Variants in TECRL observed in about 807,000 individuals in gnomAD.
TECRL encodes trans-2,3-enoyl-CoA reductase like, also known as trans-2,3-enoyl-CoA reductase-like.
A neutral mutation model predicts 52.8 loss-of-function variants in TECRL; 63 were observed. The observed-to-expected ratio is 1.19, with a 90% CI of 0.97 to 1.47. The LOEUF (loss-of-function observed/expected upper bound fraction) is 1.47. Ranked by LOEUF, TECRL falls within the 40% of genes most tolerant of loss-of-function variation. The pLI, the probability that TECRL is intolerant of heterozygous loss-of-function variation, is 0.00. For synonymous variants in TECRL, 164 were observed against 141.9 expected, an observed-to-expected ratio of 1.16 and a Z score of -1.10; for missense variants, 482 against 429.6, an observed-to-expected ratio of 1.12 and a Z score of -1.08.
At chr4:64,295,621 GA>G (rs1328909408) in intron 8 of TECRL, among the ~76,000 whole-genome samples, 1 of 151,616 alleles carries the variant, frequency 6.6e-6, no homozygotes, top group East Asian at 1.9e-4. Context: ...CACTAACTCT[GA>G]AGTAAATGAT....
rs1368676185 is a variant in TECRL, at chr4:64,326,274, TTTTC to T, written c.331+2234_331+2237del. Among the ~76,000 whole-genome samples, 9 of 152,220 alleles carry T rather than the reference TTTTC, an allele frequency of 5.9e-5. No homozygotes were observed. The East Asian group carries it at 1.7e-3, about 29-fold the overall frequency. ...ATCCAATCATTTTAAACATTAGAAA[TTTTC>T]CCAGTCCTTCCAGGACATTATAAAG... On this transcript the variant is annotated intron_variant, in intron 3 of 11. Coordinates refer to ENST00000381210, the MANE Select transcript of TECRL (RefSeq NM_001010874.5).
chr4:64,360,935 C>T (rs1049928403), intron 2 of TECRL, among the ~76,000 whole-genome samples: 1 of 152,156 alleles, frequency 6.6e-6, no homozygotes, highest in African/African-American at 2.4e-5. Flanking sequence ...GGAACAGGCA[C>T]AGTGGAGCAC....
intron 1 of TECRL, chr4:64,397,892 A>G (rs1417240951): frequency 7.9e-6 from 1 of 126,700 alleles, no homozygotes; most frequent in Non-Finnish European, 1.7e-5. Context: ...AAGTTAGGAA[A>G]GAAATATGTG....
At chr4:64,357,643 T>C (rs952421202) in intron 2 of TECRL, among the ~76,000 whole-genome samples, 1 of 151,548 alleles carries the variant, frequency 6.6e-6, no homozygotes, top group East Asian at 1.9e-4. Context: ...ATTTTATTCA[T>C]TCTTTATGCC....
At chr4:64,297,440 G>A (rs568156183) in intron 8 of TECRL, among the ~76,000 whole-genome samples, 1 of 150,812 alleles carries the variant, frequency 6.6e-6, no homozygotes, top group Non-Finnish European at 1.5e-5. Context: ...CGTTTTATCA[G>A]CAAAAAAATA....
chr4:64,398,916 G>C (rs1724152158), intron 1 of TECRL, among the ~76,000 whole-genome samples: 1 of 152,156 alleles, frequency 6.6e-6, no homozygotes, highest in Non-Finnish European at 1.5e-5. Flanking sequence ...CTGGGAACTG[G>C]ATAAAAGGTC....
At chr4:64,353,393 T>C (rs1720536576) in intron 2 of TECRL, among the ~76,000 whole-genome samples, 1 of 152,130 alleles carries the variant, frequency 6.6e-6, no homozygotes, top group South Asian at 2.1e-4. Context: ...AGGAGACTAT[T>C]ATAGGTATAC....
intron 2 of TECRL, among the ~76,000 whole-genome samples, chr4:64,366,703 A>AATC (rs1291385310): frequency 2.0e-5 from 3 of 152,166 alleles, no homozygotes; most frequent in Non-Finnish European, 4.4e-5. Flanking sequence ...ATGAATTAAC[A>AATC]ATCTCACACC....
chr4:64,307,091 C>A (rs7674860), intron 6 of TECRL, among the ~76,000 whole-genome samples: 1,706 of 152,254 alleles, frequency 0.011, 27 homozygotes, highest in African/African-American at 0.039. Flanking sequence ...AGTTTAACAA[C>A]CCCTGGGCAG....
chr4:64,328,168 GA>G (rs1260780982), intron 3 of TECRL, among the ~76,000 whole-genome samples: 1 of 151,728 alleles, frequency 6.6e-6, no homozygotes, highest in Non-Finnish European at 1.5e-5. Flanking sequence ...AAAAGAAAAA[GA>G]AAAAATTGAA....
At chr4:64,380,205 A>G (rs1722689665) in intron 1 of TECRL, among the ~76,000 whole-genome samples, 1 of 152,078 alleles carries the variant, frequency 6.6e-6, no homozygotes, top group South Asian at 2.1e-4. Context: ...TCTTTAGAGA[A>G]ATATCTACTC....
intron 7 of TECRL, among the ~76,000 whole-genome samples, chr4:64,302,091 A>G (rs1724055346): frequency 6.6e-6 from 1 of 151,344 alleles, no homozygotes; most frequent in Non-Finnish European, 1.5e-5. Flanking sequence ...ATTTGGGTAT[A>G]TTAAAATGTT....
At chr4:64,307,125 T>C (rs1724385173) in intron 6 of TECRL, among the ~76,000 whole-genome samples, 1 of 152,092 alleles carries the variant, frequency 6.6e-6, no homozygotes, top group South Asian at 2.1e-4. Context: ...GTTTTGGAGG[T>C]CAGTCACTTT....
intron 4 of TECRL, among the ~76,000 whole-genome samples, chr4:64,318,362 AAATGT>A (rs1443172592): frequency 6.6e-6 from 1 of 152,120 alleles, no homozygotes; most frequent in African/African-American, 2.4e-5. Flanking sequence ...AAAAATATTG[AAATGT>A]AATGTAAAAT....
intron 2 of TECRL, among the ~76,000 whole-genome samples, chr4:64,329,580 T>A (rs914671384): frequency 1.3e-5 from 2 of 151,918 alleles, no homozygotes; most frequent in South Asian, 4.1e-4. Flanking sequence ...GTATTGTAAA[T>A]GCATACACTG....
rs1454457567 is a variant in TECRL, at chr4:64,383,475, G to C, written c.235-8252C>G. 7.2e-5 allele frequency among the ~76,000 whole-genome samples: 11 copies of C among 151,844 alleles called. No homozygotes were observed. In the East Asian group the frequency reaches 1.6e-3, roughly 21 times the overall value. On this transcript the variant is annotated intron_variant, in intron 1 of 11. Coordinates refer to ENST00000381210, the MANE Select transcript of TECRL (RefSeq NM_001010874.5). ...TTTATTCTTTTCTTTTTGTCTGTCT[G>C]TGTTATTTCAAAAGACATGTCTTCA...
At chr4:64,381,868 T>C (rs1722816490) in intron 1 of TECRL, among the ~76,000 whole-genome samples, 1 of 152,078 alleles carries the variant, frequency 6.6e-6, no homozygotes, top group Non-Finnish European at 1.5e-5. Flanking sequence ...CGTGTGTGTG[T>C]GTGTGCACGC....
At chr4:64,293,340 G>T (rs1425371720) in intron 8 of TECRL, among the ~76,000 whole-genome samples, 2 of 151,894 alleles carry the variant, frequency 1.3e-5, no homozygotes, top group African/African-American at 4.8e-5. Flanking sequence ...ACAATGTTCA[G>T]TGTAGGGCAG....
rs760208676 is a variant in TECRL at position 64,409,284 on chromosome 4, C to A, written c.68G>T (p.Arg23Leu). ...KRALLSQRAT[R>L]FILKDDMRNF... ...TCTCATATCATCCTTCAGTATGAACCGTGTAGCTCTTTGGGAAAGTAATGC... is the reference window on the plus strand; with the variant it reads ...TCTCATATCATCCTTCAGTATGAACAGTGTAGCTCTTTGGGAAAGTAATGC... The change falls in exon 1 of 12, where the codon CGG becomes CTG. Residue 23 changes from arginine (R) to leucine (L), a missense_variant. By Grantham distance (102) the Arg-to-Leu change is moderately radical. Coordinates refer to ENST00000381210, the MANE Select transcript of TECRL (RefSeq NM_001010874.5). The A allele has an allele frequency of 1.9e-6, 3 of 1,613,574 alleles. No homozygotes were observed. Among genetic ancestry groups the A allele is most frequent in the Non-Finnish European group, 2.5e-6 (3 of 1,179,808 alleles).
Sources: allele counts gnomAD v4.1 joint callset (sites outside exome capture counted in the v4.1 genomes callset), GRCh38; gene constraint gnomAD v4.1.1; transcripts MANE v1.5; gene names NCBI Gene and HGNC (gene_info 2026-07-23, HGNC 2026-07-21).